GALNTL6: variants seen among roughly 807,000 people sequenced by gnomAD.
The protein encoded by GALNTL6 is polypeptide N-acetylgalactosaminyltransferase like 6.
A neutral mutation model predicts 73.7 loss-of-function variants in GALNTL6; 46 were observed. That is an observed-to-expected ratio of 0.62 (90% CI 0.49 to 0.80). The LOEUF (loss-of-function observed/expected upper bound fraction) is 0.80, where lower values mean the gene tolerates loss of function less well. Ranked by LOEUF, GALNTL6 falls within the 30% of genes least tolerant of loss-of-function variation. The probability of loss-of-function intolerance (pLI) is 0.00; values close to 1 mark genes in which losing one functional copy is unlikely to be tolerated. For missense variants in GALNTL6, 604 were observed against 755.0 expected (o/e 0.80, Z 2.34); for synonymous variants, 259 against 263.7 (o/e 0.98, Z 0.17).
In GALNTL6 at chr4:171,993,458, C is replaced by T. The variant is rs1462630958; in HGVS notation, c.138+178740C>T. 2.0e-5 allele frequency among the ~76,000 whole-genome samples: 3 copies of T among 152,072 alleles called. No homozygotes were observed. In the East Asian group the frequency reaches 5.8e-4, roughly 29 times the overall value. ...CTAAGGACAACGGAGCTGTGTCATG[C>T]TAATGATTATCTGAGGAGTGTGAAG... On this transcript the variant is annotated intron_variant, in intron 2 of 12. Coordinates refer to ENST00000506823, the MANE Select transcript of GALNTL6 (RefSeq NM_001034845.3).
chr4:172,690,462 A>G (rs1733200200), intron 5 of GALNTL6, among the ~76,000 whole-genome samples: 1 of 152,214 alleles, frequency 6.6e-6, no homozygotes, highest in Admixed American at 6.5e-5. Flanking sequence ...GTCAATTTGT[A>G]ATTGAGTGGT....
intron 5 of GALNTL6, among the ~76,000 whole-genome samples, chr4:172,460,346 C>CA (rs201944061): frequency 0.05 from 7,542 of 151,908 alleles, 578 homozygotes; most frequent in African/African-American, 0.17. Context: ...AAAGCAATGG[C>CA]AAAAAAAGCC....
At chr4:172,142,016 T>A (rs913276652) in intron 2 of GALNTL6, among the ~76,000 whole-genome samples, 2 of 151,928 alleles carry the variant, frequency 1.3e-5, no homozygotes, top group African/African-American at 2.4e-5. Context: ...CACACAAAAA[T>A]TTGTTTTTAG....
intron 2 of GALNTL6, among the ~76,000 whole-genome samples, chr4:172,193,628 C>T (rs758406981): frequency 1.2e-4 from 18 of 151,870 alleles, no homozygotes; most frequent in South Asian, 2.1e-4. Flanking sequence ...TTTGGGAGGC[C>T]GAGGCGGGTG....
intron 5 of GALNTL6, among the ~76,000 whole-genome samples, chr4:172,423,752 A>G (rs1359699468): frequency 6.6e-6 from 1 of 152,126 alleles, no homozygotes; most frequent in Non-Finnish European, 1.5e-5. Flanking sequence ...TCACTCATGT[A>G]TACTAAATGC....
intron 2 of GALNTL6, among the ~76,000 whole-genome samples, chr4:171,965,098 G>GAATGC (rs1739348604): frequency 6.6e-6 from 1 of 152,200 alleles, no homozygotes; most frequent in Admixed American, 6.5e-5. Flanking sequence ...TTCTGCCTTA[G>GAATGC]AATGCAATCC....
chr4:172,937,327 C>T (rs1254752712), intron 9 of GALNTL6, among the ~76,000 whole-genome samples: 2 of 152,050 alleles, frequency 1.3e-5, no homozygotes, highest in Non-Finnish European at 2.9e-5. Flanking sequence ...TGATTTGCTA[C>T]ACTGTGCACG....
intron 2 of GALNTL6, among the ~76,000 whole-genome samples, chr4:172,026,923 C>T (rs72984513): frequency 0.015 from 2,210 of 152,066 alleles, 51 homozygotes; most frequent in African/African-American, 0.046. Flanking sequence ...ACTCTGTCAC[C>T]TTTCACCCAG....
chr4:172,023,511 TAA>T (rs1289711216), intron 2 of GALNTL6, among the ~76,000 whole-genome samples: 1 of 151,922 alleles, frequency 6.6e-6, no homozygotes, highest in African/African-American at 2.4e-5. Flanking sequence ...AAACTTCTTA[TAA>T]GAGTAAAATG....
chr4:172,120,757 A>C (rs1166192815), intron 2 of GALNTL6, among the ~76,000 whole-genome samples: 3 of 152,096 alleles, frequency 2.0e-5, no homozygotes, highest in African/African-American at 4.8e-5. Flanking sequence ...CAGAGTTGCC[A>C]ATGTTTAGGG....
chr4:172,311,083 G>T (rs958774061), intron 3 of GALNTL6, among the ~76,000 whole-genome samples: 6 of 152,010 alleles, frequency 3.9e-5, no homozygotes, highest in African/African-American at 1.4e-4. Context: ...CTCAGGATGT[G>T]TCAAAACTGT....
intron 5 of GALNTL6, among the ~76,000 whole-genome samples, chr4:172,629,555 A>G (rs1468011749): frequency 1.3e-5 from 2 of 152,218 alleles, no homozygotes; most frequent in African/African-American, 4.8e-5. Context: ...ATTTCTAATT[A>G]CATTTTTATC....
At chr4:172,234,202 T>C (rs1737166871) in intron 3 of GALNTL6, among the ~76,000 whole-genome samples, 1 of 152,098 alleles carries the variant, frequency 6.6e-6, no homozygotes, top group African/African-American at 2.4e-5. Flanking sequence ...ATGACAGTGA[T>C]TTTAAAAATG....
At chr4:172,639,295 TC>T (rs753076256) in intron 5 of GALNTL6, among the ~76,000 whole-genome samples, 2 of 152,150 alleles carry the variant, frequency 1.3e-5, no homozygotes, top group African/African-American at 2.4e-5. Context: ...ATTCCGTTGA[TC>T]TTTCCGATGT....
intron 2 of GALNTL6, among the ~76,000 whole-genome samples, chr4:171,893,472 T>G (rs1469055259): frequency 2.0e-5 from 3 of 152,198 alleles, no homozygotes; most frequent in Non-Finnish European, 4.4e-5. Context: ...TAAGAAAATA[T>G]ATTGTGTTTC....
chr4:172,430,946 G>A (rs941770208), intron 5 of GALNTL6, among the ~76,000 whole-genome samples: 2 of 152,126 alleles, frequency 1.3e-5, no homozygotes, highest in Non-Finnish European at 2.9e-5. Flanking sequence ...TTACAAAACA[G>A]GTGTAATTAA....
chr4:172,998,486 C>T (rs1186479672), intron 10 of GALNTL6, among the ~76,000 whole-genome samples: 1 of 152,172 alleles, frequency 6.6e-6, no homozygotes, highest in African/African-American at 2.4e-5. Flanking sequence ...CTGTATATAT[C>T]ATTCCCATCA....
chr4:172,590,845 T>C (rs77077961), intron 5 of GALNTL6, among the ~76,000 whole-genome samples: 4,666 of 152,218 alleles, frequency 0.031, 110 homozygotes, highest in South Asian at 0.087. Flanking sequence ...AATCCAATAA[T>C]ATTATAAATG....
chr4:172,846,615 A>T (rs529690218), intron 7 of GALNTL6, among the ~76,000 whole-genome samples: 11 of 152,288 alleles, frequency 7.2e-5, no homozygotes, highest in Admixed American at 5.9e-4. Flanking sequence ...TTGTTGTTTT[A>T]ATTAAGTTAT....
Sources: gnomAD v4.1 joint callset for allele counts (sites outside exome capture counted in the v4.1 genomes callset) on GRCh38, gnomAD v4.1.1 for gene constraint, MANE v1.5 for transcripts, NCBI Gene and HGNC (gene_info 2026-07-23, HGNC 2026-07-21) for gene names.